The following COBL variants were observed in gnomAD, a reference collection of about 807,000 sequenced individuals.
COBL encodes cordon-bleu WH2 repeat protein.
In COBL, 51 loss-of-function variants were observed where a neutral mutation model predicts 98.8. That is an observed-to-expected ratio of 0.52 (90% CI 0.41 to 0.65). The LOEUF is 0.65. COBL is among the 30% of genes least tolerant of loss of function. The pLI is 0.00. For missense variants in COBL, 1,617 were observed against 1,617.5 expected, an observed-to-expected ratio of 1.00 and a Z score of 0.01; for synonymous variants, 634 against 651.7, an observed-to-expected ratio of 0.97 and a Z score of 0.41.
chr7:51,276,366 C>A (rs923520896), intron 1 of COBL, among the ~76,000 whole-genome samples: 1 of 152,148 alleles, frequency 6.6e-6, no homozygotes, highest in Non-Finnish European at 1.5e-5. Flanking sequence ...CTGGGAAAGG[C>A]GAATGGAACC....
At chr7:51,200,482 A>G (rs1196104188) in intron 2 of COBL, among the ~76,000 whole-genome samples, 1 of 152,216 alleles carries the variant, frequency 6.6e-6, no homozygotes, top group Non-Finnish European at 1.5e-5. Flanking sequence ...TCAGTTACAT[A>G]AAGTGTCTGT....
At position 51,029,206 on chromosome 7, in the gene COBL, C is replaced by A; in HGVS notation, c.1890G>T (p.Arg630Ser). 6.2e-7 allele frequency: 1 copy of A among 1,614,016 alleles called. No homozygotes were observed. Among genetic ancestry groups the A allele is most frequent in the Non-Finnish European group, 8.5e-7 (1 of 1,179,988 alleles). ...KDGNLMETAPRVTSFASNLHT... is the reference protein window; with the variant it reads ...KDGNLMETAPSVTSFASNLHT... ...GAAGATTCGAAGCAAAAGAAGTCACCCTGGGCGCCGTTTCCATTAGATTCC... is the reference window on the plus strand; with the variant it reads ...GAAGATTCGAAGCAAAAGAAGTCACACTGGGCGCCGTTTCCATTAGATTCC... The change falls in exon 10 of 13, where the codon AGG (arginine) becomes AGT (serine). Residue 630 changes from arginine (R) to serine (S), a missense_variant. Coordinates refer to ENST00000265136, the MANE Select transcript of COBL (RefSeq NM_015198.5).
At chr7:51,260,295 C>A in intron 1 of COBL, 1 of 470,352 alleles carries the variant, frequency 2.1e-6, no homozygotes, top group Non-Finnish European at 3.7e-6. Context: ...TTGTCTATCT[C>A]ATTTATAGAA....
intron 1 of COBL, among the ~76,000 whole-genome samples, chr7:51,300,219 G>A (rs1046931277): frequency 1.3e-5 from 2 of 152,102 alleles, no homozygotes; most frequent in African/African-American, 4.8e-5. Context: ...GGAGTGCAGT[G>A]GCATCATGTC....
intron 1 of COBL, among the ~76,000 whole-genome samples, chr7:51,264,297 C>A (rs557346944): frequency 1.3e-5 from 2 of 152,140 alleles, no homozygotes; most frequent in African/African-American, 4.8e-5. Context: ...CAGGATGCAG[C>A]CACACAGGGC....
At chr7:51,093,949 C>T (rs1795047240) in intron 6 of COBL, among the ~76,000 whole-genome samples, 1 of 149,740 alleles carries the variant, frequency 6.7e-6, no homozygotes, top group Non-Finnish European at 1.5e-5. Flanking sequence ...AAGTGGCAAT[C>T]AACAGATACT....
intron 6 of COBL, among the ~76,000 whole-genome samples, chr7:51,126,123 T>A (rs1798183256): frequency 6.6e-6 from 1 of 151,570 alleles, no homozygotes; most frequent in Non-Finnish European, 1.5e-5. Context: ...AGGTCAGGAG[T>A]TCAAGACCAG....
intron 1 of COBL, among the ~76,000 whole-genome samples, chr7:51,229,469 C>T (rs1004062959): frequency 1.3e-5 from 2 of 152,172 alleles, no homozygotes; most frequent in Admixed American, 6.5e-5. Context: ...ACCTTACTTC[C>T]TTTTCCCAAG....
chr7:51,044,365 T>C (rs896555042), intron 7 of COBL, among the ~76,000 whole-genome samples: 1 of 152,224 alleles, frequency 6.6e-6, no homozygotes, highest in African/African-American at 2.4e-5. Flanking sequence ...GGTAGCACTA[T>C]GGCTATTCTG....
Position 51,026,576 on chromosome 7 carries a change from G to A in COBL, c.3474C>T (p.Arg1158=), listed in dbSNP as rs370393670. 3.0e-5 allele frequency: 49 copies of A among 1,613,986 alleles called. No homozygotes were observed. Among genetic ancestry groups the A allele is most frequent in the African/African-American group, 2.3e-4 (17 of 74,940 alleles). The change falls in exon 11 of 13, where the codon CGC becomes CGT. Residue 1158 remains arginine, a synonymous_variant. Transcript: ENST00000265136. ...GERSALLAAI[R]GHSGTCSLRK... ...TCAGGCTGCAGGTGCCGCTGTGCCCGCGGATAGCTGCCAGCAGTGCAGATC... is the reference window on the plus strand; with the variant it reads ...TCAGGCTGCAGGTGCCGCTGTGCCCACGGATAGCTGCCAGCAGTGCAGATC...
chr7:51,165,608 C>T (rs1429589228), intron 5 of COBL, among the ~76,000 whole-genome samples: 3 of 149,920 alleles, frequency 2.0e-5, no homozygotes, highest in South Asian at 2.1e-4. Flanking sequence ...CAGTGTAGAT[C>T]GAATGGATCT....
intron 5 of COBL, among the ~76,000 whole-genome samples, chr7:51,171,102 T>C (rs1420390343): frequency 6.6e-6 from 1 of 152,140 alleles, no homozygotes; most frequent in Non-Finnish European, 1.5e-5. Context: ...TGCCACACCC[T>C]CTTTTCTCCA....
chr7:51,252,486 G>A (rs970446435), intron 1 of COBL, among the ~76,000 whole-genome samples: 4 of 152,002 alleles, frequency 2.6e-5, no homozygotes, highest in Non-Finnish European at 5.9e-5. Context: ...CATACAATAC[G>A]CATGCTCTGT....
chr7:51,243,226 G>T (rs1477858382), intron 1 of COBL, among the ~76,000 whole-genome samples: 7 of 152,184 alleles, frequency 4.6e-5, no homozygotes, highest in Non-Finnish European at 8.8e-5. Flanking sequence ...AAGATGTTGT[G>T]GCCTCGCTGC....
rs58682836 is a variant in COBL at position 51,030,870 on chromosome 7, GTCT to G, written c.1443_1445del (p.Glu481del). 517,960 of 1,608,642 alleles carry G rather than the reference GTCT, an allele frequency of 0.32. 87,348 individuals are homozygous for G. The highest frequency in any genetic ancestry group is 0.46 in the East Asian group (20,409 of 44,778). ...TACGGAACTCTCCAGCAATTAATAG[GTCT>G]TCTTCATCATTTGAGGCTGTGACAG... On this transcript the variant is annotated inframe_deletion, in exon 9 of 13. Transcript: ENST00000265136.
intron 1 of COBL, among the ~76,000 whole-genome samples, chr7:51,229,103 C>T (rs1794476935): frequency 6.6e-6 from 1 of 152,194 alleles, no homozygotes; most frequent in Admixed American, 6.5e-5. Context: ...CTTTCTACCG[C>T]ACAGCCAACG....
At chr7:51,199,132 A>C (rs1314784205) in intron 2 of COBL, among the ~76,000 whole-genome samples, 1 of 152,182 alleles carries the variant, frequency 6.6e-6, no homozygotes, top group East Asian at 1.9e-4. Context: ...GCAGATACTA[A>C]AGTAGTCATG....
In COBL at chr7:51,017,507, G is replaced by A; in HGVS notation, c.*44C>T. 5 of 1,603,996 alleles carry A rather than the reference G, an allele frequency of 3.1e-6. No individual in the cohort carries two copies. Among genetic ancestry groups the A allele is most frequent in the Admixed American group, 1.7e-5 (1 of 60,008 alleles). ...CAGACTCCTTGAGTGACGCCTGTGGGCATATTACAGGTGGGTTTCTGCAAT... is the reference window on the plus strand; with the variant it reads ...CAGACTCCTTGAGTGACGCCTGTGGACATATTACAGGTGGGTTTCTGCAAT... On this transcript the variant is annotated 3_prime_UTR_variant, in exon 13 of 13. Coordinates refer to ENST00000265136, the MANE Select transcript of COBL (RefSeq NM_015198.5).
chr7:51,071,171 T>C (rs993840008), intron 7 of COBL: 3 of 152,216 alleles, frequency 2.0e-5, no homozygotes, highest in African/African-American at 7.2e-5. Flanking sequence ...GTGTATGACA[T>C]GATGGAAAAA....
Sources: allele counts gnomAD v4.1 joint callset (sites outside exome capture counted in the v4.1 genomes callset), GRCh38; gene constraint gnomAD v4.1.1; transcripts MANE v1.5; gene names NCBI Gene and HGNC (gene_info 2026-07-23, HGNC 2026-07-21).